Variants in UBAP2 observed in about 807,000 individuals in gnomAD.
UBAP2 encodes the protein ubiquitin associated protein 2, also known as ubiquitin-associated protein 2.
A neutral mutation model predicts 139.6 loss-of-function variants in UBAP2; 75 were observed. The observed-to-expected ratio is 0.54, with a 90% CI of 0.45 to 0.65. The LOEUF (loss-of-function observed/expected upper bound fraction) is 0.65. UBAP2 is among the 30% of genes least tolerant of loss of function. UBAP2 has a pLI of 0.00. For synonymous variants in UBAP2, 526 were observed against 526.2 expected, an observed-to-expected ratio of 1.00 and a Z score of 0.01; for missense variants, 1,368 against 1,369.6, an observed-to-expected ratio of 1.00 and a Z score of 0.02.
chr9:34,004,842 C>T (rs536649680), intron 2 of UBAP2, among the ~76,000 whole-genome samples: 51 of 152,174 alleles, frequency 3.4e-4, no homozygotes, highest in Admixed American at 1.6e-3. Context: ...GTGACTCACG[C>T]CTATAATCCC....
intron 8 of UBAP2, among the ~76,000 whole-genome samples, chr9:33,967,067 T>C (rs980613505): frequency 6.6e-6 from 1 of 152,226 alleles, no homozygotes; most frequent in African/African-American, 2.4e-5. Flanking sequence ...TATTGTTTTA[T>C]ATTTTTTCTA....
At position 34,039,996 on chromosome 9, in the gene UBAP2, A is replaced by G. The variant is rs573751699; in HGVS notation, c.-42+8829T>C. Among the ~76,000 whole-genome samples, 27 of 152,050 alleles carry G rather than the reference A, an allele frequency of 1.8e-4. 1 individual carries two copies. Among genetic ancestry groups the G allele is most frequent in the South Asian group, 1.7e-3 (8 of 4,824 alleles). ...AACATGGAGAAACCCCGACTCTACT[A>G]AAAGTACAAAATTAGCCGGGGGCAT... On this transcript the variant is annotated intron_variant, in intron 1 of 28. Coordinates refer to ENST00000379238, the MANE Select transcript of UBAP2 (RefSeq NM_001370062.2).
chr9:33,988,191 C>T (rs1003572652), intron 5 of UBAP2, among the ~76,000 whole-genome samples: 1 of 151,924 alleles, frequency 6.6e-6, no homozygotes, highest in African/African-American at 2.4e-5. Flanking sequence ...TGTTACATCC[C>T]ATTTGACCTT....
intron 14 of UBAP2, among the ~76,000 whole-genome samples, 196 bp downstream of exon 14, chr9:33,944,169 T>C (rs1364463340): frequency 6.6e-6 from 1 of 152,200 alleles, no homozygotes; most frequent in Non-Finnish European, 1.5e-5. Context: ...AATAAGGATC[T>C]GTGGCTCTCA....
intron 14 of UBAP2, 80 bp from the exon 15 acceptor site, chr9:33,943,669 C>G: frequency 1.5e-6 from 2 of 1,370,870 alleles, no homozygotes; most frequent in Non-Finnish European, 2.0e-6. Flanking sequence ...GCCAAACAAG[C>G]ATTTAGGTTC....
rs759975643 is a variant in UBAP2, at chr9:33,953,366, G to A, written c.975C>T (p.Phe325=). 2 of 1,614,196 alleles carry A rather than the reference G, an allele frequency of 1.2e-6. No individual in the cohort carries two copies. Among genetic ancestry groups the A allele is most frequent in the South Asian group, 2.2e-5 (2 of 91,080 alleles). The stretch of plus-strand genomic sequence containing the variant: ...TCTGATTGTTGTGTTGCGAATTTGT[G>A]AAGACAAGGGCTTGGCCAAAGCCCT... ...QQQGFGQALV[F]TNSQHNNQMA... is the part of the protein sequence containing the mutation. Residue 325 remains phenylalanine (F), a synonymous_variant, in exon 12 of 29, where the codon TTC becomes TTT. Coordinates refer to ENST00000379238, the MANE Select transcript of UBAP2 (RefSeq NM_001370062.2).
In UBAP2 at chr9:33,922,449, G is replaced by T; in HGVS notation, c.*55C>A. On this transcript the variant is annotated 3_prime_UTR_variant, in exon 29 of 29. Coordinates refer to ENST00000379238, the MANE Select transcript of UBAP2 (RefSeq NM_001370062.2). Reference sequence around the variant, plus strand: ...ACTGGGCTCCCAAATACGTGCTCGTGTGTTCTCTCCTGCCCAGGATAAGCC... The same window carrying T: ...ACTGGGCTCCCAAATACGTGCTCGTTTGTTCTCTCCTGCCCAGGATAAGCC... The T allele has an allele frequency of 6.4e-7, 1 of 1,551,294 alleles. No homozygotes were observed. Among genetic ancestry groups the T allele is most frequent in the East Asian group, 2.3e-5 (1 of 43,252 alleles).
At chr9:34,031,231 C>T (rs972452761) in intron 1 of UBAP2, among the ~76,000 whole-genome samples, 2 of 150,632 alleles carry the variant, frequency 1.3e-5, no homozygotes, top group Non-Finnish European at 2.9e-5. Context: ...GAGTTGAGAT[C>T]GCACTACTGC....
chr9:34,006,063 T>C (rs1823184305), intron 2 of UBAP2, among the ~76,000 whole-genome samples: 1 of 151,372 alleles, frequency 6.6e-6, no homozygotes. Flanking sequence ...AAACCCCATC[T>C]CTACTAAAAA....
At position 33,924,184 on chromosome 9, in the gene UBAP2, CTCA is replaced by C; in HGVS notation, c.2590+19_2590+21del. ...GCGCTAGGCCGGCCCCGGGCTACTC[CTCA>C]TCCATTGAGCAAACTCACCTGGATA... is the stretch of plus-strand genomic sequence containing the variant. On this transcript the variant is annotated intron_variant, in intron 23 of 28. Coordinates refer to ENST00000379238, the MANE Select transcript of UBAP2 (RefSeq NM_001370062.2). 1 of 1,613,560 alleles carries C rather than the reference CTCA, an allele frequency of 6.2e-7. No homozygotes were observed.
intron 1 of UBAP2, among the ~76,000 whole-genome samples, chr9:34,032,916 CAAAAAAAAA>C (rs71506153): frequency 1.1e-4 from 13 of 118,060 alleles, no homozygotes; most frequent in African/African-American, 4.3e-4. Context: ...ACCCTGTCTT[CAAAAAAAAA>C]AAAAAAAAAA....
At position 34,011,603 on chromosome 9, in the gene UBAP2, A is replaced by G. The variant is rs534559498; in HGVS notation, c.99+5447T>C. ...ATATTTGATAAACAAAGCACCAAAC[A>G]TAAGAGTATAATAGGGAAGTTACCA... On this transcript the variant is annotated intron_variant, in intron 2 of 28. Coordinates refer to ENST00000379238, the MANE Select transcript of UBAP2 (RefSeq NM_001370062.2). 3.1e-5 allele frequency: 31 copies of G among 984,284 alleles called. No homozygotes were observed. The African/African-American group carries it at 4.5e-4, about 14-fold the overall frequency. The allele number at this position is 984,284 out of a possible 1,614,324, so 61.0% of individuals were successfully genotyped here.
chr9:34,008,638 A>ACTAT (rs58560526), intron 2 of UBAP2, among the ~76,000 whole-genome samples: 151,429 of 151,916 alleles, frequency 1, 75,475 homozygotes, highest in Middle Eastern at 1. Context: ...TAAGATATAT[A>ACTAT]CTAACACTTT....
intron 6 of UBAP2, among the ~76,000 whole-genome samples, chr9:33,974,216 A>C (rs1459612403): frequency 6.6e-6 from 1 of 152,142 alleles, no homozygotes; most frequent in East Asian, 1.9e-4. Flanking sequence ...TCTGTAACAA[A>C]ACACATATTG....
At chr9:34,026,195 A>G (rs1354395223) in intron 1 of UBAP2, among the ~76,000 whole-genome samples, 1 of 152,230 alleles carries the variant, frequency 6.6e-6, no homozygotes, top group East Asian at 1.9e-4. Context: ...GACATTTAAT[A>G]AAAGTTTGAA....
chr9:33,998,792 T>C lies in UBAP2; in HGVS notation c.172A>G (p.Lys58Glu). 6.2e-7 allele frequency: 1 copy of C among 1,612,114 alleles called. No homozygotes were observed. The highest frequency in any genetic ancestry group is 8.5e-7 in the Non-Finnish European group (1 of 1,179,548). ...KNDSDFEAKV[K>E]QLMEVTGKNQ... Reference sequence around the variant, plus strand: ...ATCCTTTGCCAGAAACATACCTGCTTAACTTTAGCTTCAAAATCTGAATCA... The same window carrying C: ...ATCCTTTGCCAGAAACATACCTGCTCAACTTTAGCTTCAAAATCTGAATCA... Residue 58 changes from lysine (K) to glutamate (E), a missense_variant, in exon 3 of 29, where the codon AAG becomes GAG. By Grantham distance (56) the Lys-to-Glu change is moderately conservative. Coordinates refer to ENST00000379238, the MANE Select transcript of UBAP2 (RefSeq NM_001370062.2).
At chr9:34,007,184 C>G (rs1166196567) in intron 2 of UBAP2, among the ~76,000 whole-genome samples, 3 of 152,088 alleles carry the variant, frequency 2.0e-5, no homozygotes, top group African/African-American at 7.2e-5. Flanking sequence ...CCTATTTGCT[C>G]TGGCTAGAAG....
At chr9:34,041,615 T>A (rs1827101893) in intron 1 of UBAP2, among the ~76,000 whole-genome samples, 1 of 151,976 alleles carries the variant, frequency 6.6e-6, no homozygotes, top group Admixed American at 6.6e-5. Context: ...GAGAATTGCT[T>A]GAACCAAGGA....
intron 8 of UBAP2, among the ~76,000 whole-genome samples, chr9:33,964,246 TATC>T (rs897332049): frequency 6.6e-6 from 1 of 152,152 alleles, no homozygotes; most frequent in Non-Finnish European, 1.5e-5. Context: ...ATAACTCTCT[TATC>T]AACAAGCCAA....
Sources: allele counts gnomAD v4.1 joint callset (sites outside exome capture counted in the v4.1 genomes callset), GRCh38; gene constraint gnomAD v4.1.1; transcripts MANE v1.5; gene names NCBI Gene and HGNC (gene_info 2026-07-23, HGNC 2026-07-21).